The following LRRTM4 variants were observed in gnomAD, a reference collection of about 807,000 sequenced individuals.
LRRTM4 encodes the protein leucine-rich repeat transmembrane neuronal protein 4.
Under a neutral mutation model 47.6 loss-of-function variants are expected in LRRTM4, and 25 were observed. The ratio of observed to expected loss-of-function variants is 0.53; its 90% confidence interval spans 0.38 to 0.73. LRRTM4 has a LOEUF of 0.73. LRRTM4 is among the 30% of genes least tolerant of loss of function. The pLI, the probability that LRRTM4 is intolerant of heterozygous loss-of-function variation, is 0.00. For missense variants in LRRTM4, 638 were observed against 713.4 expected, an observed-to-expected ratio of 0.89 and a Z score of 1.20; for synonymous variants, 311 against 269.5, an observed-to-expected ratio of 1.15 and a Z score of -1.51.
chr2:76,928,702 CA>C (rs1210104100), intron 3 of LRRTM4, among the ~76,000 whole-genome samples: 1 of 151,982 alleles, frequency 6.6e-6, no homozygotes, highest in Non-Finnish European at 1.5e-5. Context: ...ACTGAGTTCT[CA>C]ATGTTTTCAA....
intron 3 of LRRTM4, among the ~76,000 whole-genome samples, chr2:77,421,798 C>A (rs1433544507): frequency 2.6e-5 from 4 of 151,960 alleles, no homozygotes; most frequent in African/African-American, 9.7e-5. Context: ...AGTCCAAAAC[C>A]GTCAATAACA....
intron 3 of LRRTM4, among the ~76,000 whole-genome samples, chr2:77,053,160 G>A (rs1679495578): frequency 6.6e-6 from 1 of 152,120 alleles, no homozygotes; most frequent in Admixed American, 6.6e-5. Flanking sequence ...TATCAGTAAG[G>A]CAGAATTCAG....
chr2:77,314,029 T>C (rs867550120), intron 3 of LRRTM4, among the ~76,000 whole-genome samples: 8 of 152,228 alleles, frequency 5.3e-5, no homozygotes, highest in Non-Finnish European at 7.3e-5. Flanking sequence ...TAGTTTGTAA[T>C]GCAACTTACA....
intron 3 of LRRTM4, among the ~76,000 whole-genome samples, chr2:76,785,524 G>C (rs1280051584): frequency 6.6e-6 from 1 of 152,044 alleles, no homozygotes; most frequent in Non-Finnish European, 1.5e-5. Context: ...GGTAATCCAG[G>C]AAGGATCTTC....
intron 3 of LRRTM4, among the ~76,000 whole-genome samples, chr2:77,403,926 T>C (rs1307439890): frequency 6.6e-6 from 1 of 150,932 alleles, no homozygotes; most frequent in Non-Finnish European, 1.5e-5. Context: ...TTCTTTTTTA[T>C]TCACTAAATG....
chr2:77,496,850 T>G (rs1345790141), intron 3 of LRRTM4, among the ~76,000 whole-genome samples: 1 of 151,772 alleles, frequency 6.6e-6, no homozygotes, highest in African/African-American at 2.4e-5. Context: ...TTTTCAAGCC[T>G]CTTCAACTTA....
chr2:77,181,786 C>A (rs1337087831), intron 3 of LRRTM4, among the ~76,000 whole-genome samples: 1 of 151,814 alleles, frequency 6.6e-6, no homozygotes, highest in Non-Finnish European at 1.5e-5. Context: ...GGCAATTTAA[C>A]AAAATTATTT....
At chr2:76,830,205 T>G (rs1039582809) in intron 3 of LRRTM4, among the ~76,000 whole-genome samples, 4 of 152,080 alleles carry the variant, frequency 2.6e-5, no homozygotes, top group East Asian at 1.9e-4. Flanking sequence ...ATATCTATAG[T>G]GTAAGATGTT....
chr2:76,898,816 T>C (rs902695266), intron 3 of LRRTM4, among the ~76,000 whole-genome samples: 1 of 151,018 alleles, frequency 6.6e-6, no homozygotes, highest in Non-Finnish European at 1.5e-5. Flanking sequence ...TTTTATATTT[T>C]ATATATACTG....
intron 3 of LRRTM4, among the ~76,000 whole-genome samples, chr2:77,256,335 C>T (rs1675764803): frequency 6.6e-6 from 1 of 151,966 alleles, no homozygotes. Context: ...CTATACCAAA[C>T]ATTTGAAGAA....
chr2:77,197,354 C>A lies in LRRTM4; in HGVS notation c.1551+320964G>T, dbSNP rs542064318. 3.9e-5 allele frequency among the ~76,000 whole-genome samples: 6 copies of A among 152,040 alleles called. No individual in the cohort carries two copies. In the South Asian group the frequency reaches 1.2e-3, roughly 32 times the overall value. On this transcript the variant is annotated intron_variant, in intron 3 of 3. Coordinates refer to ENST00000409884, the MANE Select transcript of LRRTM4 (RefSeq NM_001134745.3). ...TGAACTTACTTTATGAGAAAATTAG[C>A]CTTATAATCTACACATACAAAAAAG...
chr2:76,867,174 T>C (rs1262289389), intron 3 of LRRTM4, among the ~76,000 whole-genome samples: 1 of 152,118 alleles, frequency 6.6e-6, no homozygotes, highest in Non-Finnish European at 1.5e-5. Flanking sequence ...CCATGACACA[T>C]ATATACTTAT....
intron 3 of LRRTM4, among the ~76,000 whole-genome samples, chr2:76,977,000 A>T (rs1225523519): frequency 1.7e-5 from 2 of 119,098 alleles, no homozygotes; most frequent in African/African-American, 5.3e-5. Flanking sequence ...GAAAAAAAGC[A>T]TTAATAGGCT....
chr2:76,786,976 T>G (rs1179760871), intron 3 of LRRTM4, among the ~76,000 whole-genome samples: 1 of 152,088 alleles, frequency 6.6e-6, no homozygotes, highest in Non-Finnish European at 1.5e-5. Flanking sequence ...CCTACATTTT[T>G]TTTTTCAATT....
intron 3 of LRRTM4, among the ~76,000 whole-genome samples, chr2:77,090,109 T>C (rs747449656): frequency 2.3e-4 from 35 of 152,120 alleles, no homozygotes; most frequent in Non-Finnish European, 4.3e-4. Flanking sequence ...CCTCTGCTCC[T>C]CCACCCTATA....
intron 3 of LRRTM4, among the ~76,000 whole-genome samples, chr2:77,491,591 C>A (rs542598964): frequency 1.3e-4 from 20 of 151,528 alleles, no homozygotes; most frequent in African/African-American, 4.3e-4. Flanking sequence ...GAAAAAAATT[C>A]TTCATCAATC....
intron 3 of LRRTM4, among the ~76,000 whole-genome samples, chr2:76,937,414 G>C (rs992305423): frequency 5.3e-5 from 8 of 152,164 alleles, no homozygotes; most frequent in African/African-American, 1.9e-4. Context: ...ATTGGCACCA[G>C]AATCAGTCTG....
rs377477252 is a variant in LRRTM4, at chr2:77,440,420, G to GA, written c.1551+77897dup. Among the ~76,000 whole-genome samples, 40 of 150,276 alleles carry GA rather than the reference G, an allele frequency of 2.7e-4. 1 individual carries two copies. The highest frequency in any genetic ancestry group is 1.1e-3 in the South Asian group (5 of 4,722). On this transcript the variant is annotated intron_variant, in intron 3 of 3. Coordinates refer to ENST00000409884, the MANE Select transcript of LRRTM4 (RefSeq NM_001134745.3). ...CAGAGTGAGACTCCGCCTCAAAAAA[G>GA]AAAAAAAAACTCTGTGTGAGAGATA...
rs182186099 is a variant in LRRTM4 at position 76,889,191 on chromosome 2, G to T, written c.1552-140275C>A. On this transcript the variant is annotated intron_variant, in intron 3 of 3. Transcript: ENST00000409884. ...TTAGATTAACTGTAATTAATGTAAG[G>T]TTAATGGTGTTATCTTGATCGCCAT... 4.4e-3 allele frequency among the ~76,000 whole-genome samples: 663 copies of T among 151,916 alleles called. 8 individuals carry two copies. Among genetic ancestry groups the T allele is most frequent in the African/African-American group, 0.015 (643 of 41,508 alleles).
Sources: allele counts gnomAD v4.1 joint callset (sites outside exome capture counted in the v4.1 genomes callset), GRCh38; gene constraint gnomAD v4.1.1; transcripts MANE v1.5; gene names NCBI Gene and HGNC (gene_info 2026-07-23, HGNC 2026-07-21).